Variants in EPB41L4A observed in about 807,000 individuals in gnomAD.
EPB41L4A encodes the protein erythrocyte membrane protein band 4.1 like 4A, also known as band 4.1-like protein 4A.
EPB41L4A carries 100 observed loss-of-function variants against 108.6 expected under a neutral mutation model. That is an observed-to-expected ratio of 0.92 (90% confidence interval 0.78 to 1.09). The LOEUF (loss-of-function observed/expected upper bound fraction) is 1.09. Ranked by LOEUF, EPB41L4A falls within the 50% of genes least tolerant of loss-of-function variation. The pLI is 0.00. For missense variants in EPB41L4A, 1,030 were observed against 842.7 expected (o/e 1.22, Z -2.75); for synonymous variants, 319 against 289.0 (o/e 1.10, Z -1.05).
At chr5:112,154,207 A>G (rs1205742791) in intron 12 of EPB41L4A, among the ~76,000 whole-genome samples, 1 of 152,252 alleles carries the variant, frequency 6.6e-6, no homozygotes, top group African/African-American at 2.4e-5. Flanking sequence ...GCGGCATTAG[A>G]GAGCATTCAC....
At chr5:112,202,878 G>A (rs1762284553) in intron 15 of EPB41L4A, among the ~76,000 whole-genome samples, 1 of 152,098 alleles carries the variant, frequency 6.6e-6, no homozygotes, top group Non-Finnish European at 1.5e-5. Flanking sequence ...ATGGTTACCT[G>A]ACATCATGAA....
chr5:112,158,953 G>A (rs2112829790), downstream of EPB41L4A, among the ~76,000 whole-genome samples: 1 of 152,318 alleles, frequency 6.6e-6, no homozygotes, highest in East Asian at 1.9e-4. Flanking sequence ...GCCTTTCGCT[G>A]TCTTTAAAGG....
At position 112,240,783 on chromosome 5, in the gene EPB41L4A, C is replaced by T. The variant is rs1749729120; in HGVS notation, c.823G>A (p.Ala275Thr). The change falls in exon 10 of 23, where the codon GCT becomes ACT. Residue 275 changes from alanine (A) to threonine (T), a missense_variant. Physicochemically the swap from Ala to Thr is moderately conservative, Grantham distance 58. Coordinates refer to ENST00000261486, the MANE Select transcript of EPB41L4A (RefSeq NM_022140.5). ...TGCTTGCAAGCAGTTTTACTCCGAG[C>T]TTCAAAAAAGAATGAGGTTTCGTTA... The part of the protein sequence containing the change: ...DCNETSFFFE[A>T]RSKTACKHLW... The T allele has an allele frequency of 6.3e-7, 1 of 1,590,216 alleles. No individual in the cohort carries two copies. The highest frequency in any genetic ancestry group is 8.5e-7 in the Non-Finnish European group (1 of 1,173,346).
At chr5:112,146,125 A>G (rs973255404) in intron 12 of EPB41L4A, 8 of 356,622 alleles carry the variant, frequency 2.2e-5, no homozygotes, top group South Asian at 1.7e-4. Flanking sequence ...TCGAGACCAC[A>G]TTCACTATTG....
intron 12 of EPB41L4A, chr5:112,228,350 GC>G (rs1748618377): frequency 6.6e-6 from 1 of 152,226 alleles, no homozygotes; most frequent in Non-Finnish European, 1.5e-5. Context: ...CTTGGTCCAA[GC>G]GGTAAGTAGC....
chr5:112,355,263 C>A (rs756352852), intron 1 of EPB41L4A, among the ~76,000 whole-genome samples: 1 of 152,198 alleles, frequency 6.6e-6, no homozygotes, highest in Non-Finnish European at 1.5e-5. Flanking sequence ...AGTTTCTATG[C>A]AACTAAAATG....
At chr5:112,278,604 C>G (rs1257220795) in intron 3 of EPB41L4A, among the ~76,000 whole-genome samples, 1 of 151,976 alleles carries the variant, frequency 6.6e-6, no homozygotes, top group East Asian at 1.9e-4. Context: ...GCATTATAGA[C>G]TGATACTTAA....
intron 1 of EPB41L4A, among the ~76,000 whole-genome samples, chr5:112,410,607 A>C (rs371332694): frequency 6.6e-6 from 1 of 152,084 alleles, no homozygotes; most frequent in South Asian, 2.1e-4. Flanking sequence ...CAGTACCCAC[A>C]ACTCTCCTCC....
At chr5:112,363,806 C>T (rs1312525265) in intron 1 of EPB41L4A, 4 of 152,166 alleles carry the variant, frequency 2.6e-5, no homozygotes, top group African/African-American at 4.8e-5. Flanking sequence ...GCACATTCAG[C>T]GGTTTCTATT....
chr5:112,357,862 G>C (rs1384576166), intron 1 of EPB41L4A, among the ~76,000 whole-genome samples: 1 of 152,162 alleles, frequency 6.6e-6, no homozygotes, highest in African/African-American at 2.4e-5. Flanking sequence ...AATTATTTTT[G>C]TCCCTTGTAA....
intron 1 of EPB41L4A, among the ~76,000 whole-genome samples, chr5:112,348,328 C>T (rs1220216034): frequency 6.6e-6 from 1 of 152,182 alleles, no homozygotes; most frequent in Non-Finnish European, 1.5e-5. Context: ...AGCCTATAAA[C>T]CTCTCAAAAG....
At chr5:112,407,855 G>A (rs1762159556) in intron 1 of EPB41L4A, among the ~76,000 whole-genome samples, 1 of 152,212 alleles carries the variant, frequency 6.6e-6, no homozygotes, top group Non-Finnish European at 1.5e-5. Context: ...AATATTTACT[G>A]AGCACCACCA....
chr5:112,243,320 A>G lies in EPB41L4A; in HGVS notation c.796-2510T>C, dbSNP rs115368383. On this transcript the variant is annotated intron_variant, in intron 9 of 22. Transcript: ENST00000261486. ...TGTTTGTTTGTTTGTTTCCTAAGCCATGCTGTAAATAGGTGTGCTGTCATC... is the reference window on the plus strand; with the variant it reads ...TGTTTGTTTGTTTGTTTCCTAAGCCGTGCTGTAAATAGGTGTGCTGTCATC... 5.9e-3 allele frequency among the ~76,000 whole-genome samples: 870 copies of G among 146,560 alleles called. 3 individuals carry two copies. Among genetic ancestry groups the G allele is most frequent in the Middle Eastern group, 0.011 (3 of 284 alleles).
intron 17 of EPB41L4A, among the ~76,000 whole-genome samples, chr5:112,184,840 A>G (rs759874115): frequency 6.6e-6 from 1 of 152,104 alleles, no homozygotes; most frequent in Non-Finnish European, 1.5e-5. Flanking sequence ...AAATCCTCTC[A>G]TTTTTTTAAA....
chr5:112,211,517 G>A (rs1762741437), intron 12 of EPB41L4A, among the ~76,000 whole-genome samples: 1 of 151,938 alleles, frequency 6.6e-6, no homozygotes, highest in African/African-American at 2.4e-5. Flanking sequence ...GGACCCGGGA[G>A]GTGGAGGTTG....
chr5:112,162,995 G>A lies in EPB41L4A; in HGVS notation c.*1995C>T, dbSNP rs765693864. The A allele has an allele frequency of 8.5e-5, 13 of 152,198 alleles. No homozygotes were observed. Among genetic ancestry groups the A allele is most frequent in the Non-Finnish European group, 1.3e-4 (9 of 68,034 alleles). 9.4% of individuals were successfully genotyped at this position (152,198 alleles called of 1,614,324 possible). A position where few individuals can be genotyped will look rare whatever the true frequency, so the allele number is the denominator to read the frequency against. ...TTGTAAGATGGCTATTATGGGAGGT[G>A]AGAGTGTTACAAAATGAGGCTGAAG... On this transcript the variant is annotated 3_prime_UTR_variant, in exon 23 of 23. Transcript: ENST00000261486.
chr5:112,339,899 G>C (rs1363188964), intron 1 of EPB41L4A, among the ~76,000 whole-genome samples: 1 of 152,106 alleles, frequency 6.6e-6, no homozygotes, highest in Admixed American at 6.5e-5. Flanking sequence ...TCATGGAAGA[G>C]ACCTTTTAAT....
At chr5:112,339,510 A>C (rs5007789) in intron 1 of EPB41L4A, among the ~76,000 whole-genome samples, 9,738 of 55,912 alleles carry the variant, frequency 0.17, 443 homozygotes, top group Admixed American at 0.2. Flanking sequence ...ATATATATAT[A>C]GATATATAGA....
chr5:112,231,290 A>G lies in EPB41L4A; in HGVS notation c.1087+3344T>C, dbSNP rs1014713167. On this transcript the variant is annotated intron_variant, in intron 12 of 22. Transcript: ENST00000261486. The stretch of plus-strand genomic sequence containing the variant: ...ATTAAGTAAGAAAAGCAAGTTGAAA[A>G]CCCATGATTGTACCACTTGTGTGAA... Among the ~76,000 whole-genome samples the G allele has an allele frequency of 3.9e-5, 6 of 152,156 alleles. No individual in the cohort carries two copies. The South Asian group carries it at 1.2e-3, about 31-fold the overall frequency.
Sources: gnomAD v4.1 joint callset for allele counts (sites outside exome capture counted in the v4.1 genomes callset) on GRCh38, gnomAD v4.1.1 for gene constraint, MANE v1.5 for transcripts, NCBI Gene and HGNC (gene_info 2026-07-23, HGNC 2026-07-21) for gene names.